The following RGSL1 variants were observed in gnomAD, a reference collection of about 807,000 sequenced individuals.
The protein encoded by RGSL1 is regulator of G protein signaling like 1, also known as regulator of G protein signaling protein-like.
In RGSL1, 97 loss-of-function variants were observed where a neutral mutation model predicts 124.7. That is an observed-to-expected ratio of 0.78 (90% CI 0.66 to 0.92). The LOEUF (loss-of-function observed/expected upper bound fraction) is 0.92. RGSL1 is among the 40% of genes least tolerant of loss of function. RGSL1 has a pLI of 0.00. For synonymous variants in RGSL1, 424 were observed against 438.1 expected (o/e 0.97, Z 0.40); for missense variants, 1,233 against 1,288.4 (o/e 0.96, Z 0.66).
chr1:182,498,483 G>A lies in RGSL1; in HGVS notation c.1825+5354G>A, dbSNP rs143976441. 3.1e-3 allele frequency among the ~76,000 whole-genome samples: 476 copies of A among 152,228 alleles called. 4 individuals carry two copies. Among genetic ancestry groups the A allele is most frequent in the African/African-American group, 0.011 (448 of 41,538 alleles). ...TGCAATCAGATCTTATTAGTGGTTC[G>A]AGCTAAAGAATGTGTGTGTCCCAGA... On this transcript the variant is annotated intron_variant, in intron 9 of 21. Coordinates refer to ENST00000294854, the MANE Select transcript of RGSL1 (RefSeq NM_001137669.2).
chr1:182,558,265 G>A (rs1660976417), intron 21 of RGSL1, among the ~76,000 whole-genome samples: 2 of 151,752 alleles, frequency 1.3e-5, no homozygotes, highest in Non-Finnish European at 2.9e-5. Context: ...TGGGAGGGGA[G>A]GAAAAGGCGT....
At chr1:182,468,653 C>T (rs1653553830) in intron 4 of RGSL1, among the ~76,000 whole-genome samples, 1 of 151,932 alleles carries the variant, frequency 6.6e-6, no homozygotes, top group African/African-American at 2.4e-5. Context: ...AGGAGATCTA[C>T]CTAATGTTAA....
In RGSL1 at chr1:182,553,462, T is replaced by C; in HGVS notation, c.3051T>C (p.Asn1017=). ...DKYPFSSGGD[N]AILRFTLLRG... ...GTTTTTGTCCTTCCCCAGGAGACAA[T>C]GCCATCTTAAGGTTCACCTTGCTCA... The change falls in exon 19 of 22, where the codon AAT becomes AAC. Residue 1017 remains asparagine, a synonymous_variant. Coordinates refer to ENST00000294854, the MANE Select transcript of RGSL1 (RefSeq NM_001137669.2). 1 of 1,551,858 alleles carries C rather than the reference T, an allele frequency of 6.4e-7. No individual in the cohort carries two copies. Among genetic ancestry groups the C allele is most frequent in the Non-Finnish European group, 8.7e-7 (1 of 1,146,950 alleles).
intron 9 of RGSL1, among the ~76,000 whole-genome samples, chr1:182,495,218 C>A (rs376250476): frequency 6.6e-6 from 1 of 152,162 alleles, no homozygotes; most frequent in Non-Finnish European, 1.5e-5. Context: ...TGCTGTTGGT[C>A]TGTACATAGC....
intron 10 of RGSL1, among the ~76,000 whole-genome samples, chr1:182,523,204 T>C (rs1658482897): frequency 6.8e-6 from 1 of 147,768 alleles, no homozygotes; most frequent in African/African-American, 2.5e-5. Context: ...GCCTGTTTTT[T>C]TTTCTTTTTT....
At chr1:182,509,646 G>A (rs1189311330) in intron 9 of RGSL1, among the ~76,000 whole-genome samples, 1 of 133,862 alleles carries the variant, frequency 7.5e-6, no homozygotes, top group African/African-American at 2.9e-5. Flanking sequence ...CTCCCGGACG[G>A]GGCGGCTGGC....
intron 6 of RGSL1, among the ~76,000 whole-genome samples, chr1:182,481,118 G>C (rs1349462684): frequency 6.6e-6 from 1 of 151,894 alleles, no homozygotes; most frequent in Non-Finnish European, 1.5e-5. Flanking sequence ...AGAAATAAAT[G>C]AAATGGAGAA....
chr1:182,466,829 A>G (rs1653373699), intron 4 of RGSL1, among the ~76,000 whole-genome samples: 1 of 152,170 alleles, frequency 6.6e-6, no homozygotes, highest in Admixed American at 6.5e-5. Context: ...CGTCAATCCT[A>G]AAATTTCCAA....
At chr1:182,528,664 G>A (rs889761976) in intron 11 of RGSL1, among the ~76,000 whole-genome samples, 1 of 152,144 alleles carries the variant, frequency 6.6e-6, no homozygotes, top group Non-Finnish European at 1.5e-5. Flanking sequence ...TTGACTTCAC[G>A]TCTCACATCT....
At chr1:182,536,702 T>A (rs1045689539) in intron 14 of RGSL1, among the ~76,000 whole-genome samples, 1 of 152,098 alleles carries the variant, frequency 6.6e-6, no homozygotes, top group African/African-American at 2.4e-5. Context: ...GGCAGAAGGC[T>A]AGGAGGAGCA....
chr1:182,526,207 A>G (rs1658729621), intron 10 of RGSL1, among the ~76,000 whole-genome samples: 1 of 152,202 alleles, frequency 6.6e-6, no homozygotes, highest in Non-Finnish European at 1.5e-5. Flanking sequence ...GGAAACAGTG[A>G]AAGAAGTAAC....
chr1:182,450,240 T>C (rs559494023), intron 1 of RGSL1, 62 bp downstream of exon 1: 2 of 1,538,856 alleles, frequency 1.3e-6, no homozygotes, highest in South Asian at 2.4e-5. Context: ...AAACCATTCA[T>C]CTTCCCAATT....
chr1:182,527,802 C>G lies in RGSL1; in HGVS notation c.2125+30C>G, dbSNP rs965986676. 3.3e-6 allele frequency: 5 copies of G among 1,520,168 alleles called. No individual in the cohort carries two copies. The African/African-American group carries it at 6.9e-5, about 21-fold the overall frequency. 94.2% of individuals were successfully genotyped at this position (1,520,168 alleles called of 1,614,324 possible). On this transcript the variant is annotated intron_variant, in intron 11 of 21. Coordinates refer to ENST00000294854, the MANE Select transcript of RGSL1 (RefSeq NM_001137669.2). ...GCATCCTCTTCTGATCCTGTTTTCT[C>G]TCTCTCTTTAGTGTCTTAGGAGAAT...
intron 9 of RGSL1, among the ~76,000 whole-genome samples, chr1:182,493,564 C>G (rs1325266433): frequency 1.3e-5 from 2 of 152,132 alleles, no homozygotes; most frequent in African/African-American, 2.4e-5. Context: ...TCACAACAGG[C>G]CTCAGCAGAT....
chr1:182,460,654 G>T (rs1300369493), intron 4 of RGSL1: 5 of 455,994 alleles, frequency 1.1e-5, no homozygotes, highest in South Asian at 6.2e-5. Context: ...AAAAGTAATT[G>T]GTGGTGGTGC....
chr1:182,516,706 T>TG (rs1380143415), intron 9 of RGSL1, among the ~76,000 whole-genome samples: 2 of 36,466 alleles, frequency 5.5e-5, no homozygotes, highest in Admixed American at 2.1e-4. Context: ...TCATAAAGAA[T>TG]AAAAAGGAAA....
chr1:182,493,652 G>T (rs1451505443), intron 9 of RGSL1, among the ~76,000 whole-genome samples: 2 of 152,172 alleles, frequency 1.3e-5, no homozygotes, highest in African/African-American at 4.8e-5. Context: ...TTGGGCTTTA[G>T]TTCTTCCACA....
At chr1:182,509,297 C>T (rs1219366040) in intron 9 of RGSL1, among the ~76,000 whole-genome samples, 3 of 40,804 alleles carry the variant, frequency 7.4e-5, no homozygotes, top group East Asian at 7.9e-4. Context: ...CCGGACGGGG[C>T]GGCTGGCCGG....
chr1:182,530,510 TCCTA>T (rs1298564494), intron 12 of RGSL1, 149 bp downstream of exon 12: 4 of 645,714 alleles, frequency 6.2e-6, no homozygotes, highest in East Asian at 2.8e-5. Context: ...TCTTGAACTT[TCCTA>T]CCTATCTATC....
Sources: gnomAD v4.1 joint callset for allele counts (sites outside exome capture counted in the v4.1 genomes callset) on GRCh38, gnomAD v4.1.1 for gene constraint, MANE v1.5 for transcripts, NCBI Gene and HGNC (gene_info 2026-07-23, HGNC 2026-07-21) for gene names.